PREPL: variants seen among roughly 807,000 people sequenced by gnomAD.
The protein encoded by PREPL is prolyl endopeptidase like, also known as prolyl endopeptidase-like.
Under a neutral mutation model 70.6 loss-of-function variants are expected in PREPL, and 77 were observed. The observed-to-expected ratio is 1.09, with a 90% confidence interval of 0.91 to 1.32. The LOEUF (loss-of-function observed/expected upper bound fraction) is 1.32. Among genes scored for constraint, PREPL ranks in the 40% most tolerant of loss-of-function variants. PREPL has a pLI of 0.00. For synonymous variants in PREPL, 315 were observed against 264.8 expected, an observed-to-expected ratio of 1.19 and a Z score of -1.84; for missense variants, 1,002 against 778.2, an observed-to-expected ratio of 1.29 and a Z score of -3.42.
intron 1 of PREPL, among the ~76,000 whole-genome samples, chr2:44,347,939 AAAGG>A (rs1410627333): frequency 3.6e-4 from 55 of 152,356 alleles, no homozygotes. Flanking sequence ...TCATTTTCAC[AAAGG>A]TTTTCCTTTT....
chr2:44,320,147 C>T lies in PREPL; in HGVS notation c.*1209G>A. Reference sequence around the variant, plus strand: ...CCTTACAATATATTAAAAATACTTACAAACAATTCTTAGAATCAAACACTT... The same window carrying T: ...CCTTACAATATATTAAAAATACTTATAAACAATTCTTAGAATCAAACACTT... On this transcript the variant is annotated 3_prime_UTR_variant, in exon 14 of 14. Coordinates refer to ENST00000409411, the MANE Select transcript of PREPL (RefSeq NM_001171613.2). 1 of 1,465,572 alleles carries T rather than the reference C, an allele frequency of 6.8e-7. No homozygotes were observed. The highest frequency in any genetic ancestry group is 9.4e-7 in the Non-Finnish European group (1 of 1,061,064). The allele number at this position is 1,465,572 out of a possible 1,614,324, so 90.8% of individuals were successfully genotyped here.
At chr2:44,340,544 T>C (rs897469089) in intron 5 of PREPL, among the ~76,000 whole-genome samples, 2 of 152,218 alleles carry the variant, frequency 1.3e-5, no homozygotes, top group African/African-American at 2.4e-5. Context: ...CCATGTTTAT[T>C]TGTCAATCGT....
intron 4 of PREPL, among the ~76,000 whole-genome samples, chr2:44,343,543 A>C (rs1004518656): frequency 9.9e-5 from 15 of 152,182 alleles, no homozygotes; most frequent in African/African-American, 3.6e-4. Context: ...TAAAAACATG[A>C]GTATTTTAAA....
Position 44,320,679 on chromosome 2 carries a change from G to A in PREPL, c.*677C>T. 2.7e-6 allele frequency: 4 copies of A among 1,498,078 alleles called. No homozygotes were observed. Among genetic ancestry groups the A allele is most frequent in the South Asian group, 1.1e-5 (1 of 88,370 alleles). The allele number at this position is 1,498,078 out of a possible 1,614,324, so 92.8% of individuals were successfully genotyped here. On this transcript the variant is annotated 3_prime_UTR_variant, in exon 14 of 14. Coordinates refer to ENST00000409411, the MANE Select transcript of PREPL (RefSeq NM_001171613.2). ...AGATGAAGACACTGGCATTTCAGTGGGATTGTAAGCATTTGTAATAGCTTC... is the reference window on the plus strand; with the variant it reads ...AGATGAAGACACTGGCATTTCAGTGAGATTGTAAGCATTTGTAATAGCTTC...
chr2:44,346,132 A>G, intron 2 of PREPL, 136 bp downstream of exon 2: 1 of 638,062 alleles, frequency 1.6e-6, no homozygotes, highest in Non-Finnish European at 2.5e-6. Flanking sequence ...TTTGCTTTTT[A>G]AGTTTTTCAG....
At chr2:44,328,839 G>C in intron 9 of PREPL, 98 bp downstream of exon 9, 1 of 1,241,420 alleles carries the variant, frequency 8.1e-7, no homozygotes, top group Non-Finnish European at 1.1e-6. Flanking sequence ...TAATAAGAAT[G>C]AAAAAAATAA....
At chr2:44,342,830 A>G (rs1003201361) in intron 4 of PREPL, among the ~76,000 whole-genome samples, 25 of 152,192 alleles carry the variant, frequency 1.6e-4, no homozygotes, top group Non-Finnish European at 3.1e-4. Context: ...TATTTAGGAA[A>G]GACATTGGTA....
intron 10 of PREPL, among the ~76,000 whole-genome samples, chr2:44,326,383 C>CT (rs554397665): frequency 0.056 from 7,169 of 128,178 alleles, 251 homozygotes; most frequent in African/African-American, 0.082. Context: ...TTTTTCTTTC[C>CT]TTTTTTTTTT....
chr2:44,345,824 C>G (rs1005204811), intron 2 of PREPL, among the ~76,000 whole-genome samples: 4 of 152,102 alleles, frequency 2.6e-5, no homozygotes, highest in African/African-American at 9.7e-5. Context: ...TTCATTTGAA[C>G]TTCTCCTTAG....
intron 10 of PREPL, among the ~76,000 whole-genome samples, chr2:44,326,460 T>C (rs542757916): frequency 1.4e-5 from 2 of 146,382 alleles, no homozygotes; most frequent in East Asian, 4.1e-4. Flanking sequence ...AGCCTCAACC[T>C]CTTAAGAGAT....
intron 2 of PREPL, 137 bp downstream of exon 2, chr2:44,346,131 T>C (rs1355305989): frequency 1.6e-6 from 1 of 637,164 alleles, no homozygotes; most frequent in African/African-American, 1.9e-5. Flanking sequence ...CTTTGCTTTT[T>C]AAGTTTTTCA....
rs893853481 is a variant in PREPL, at chr2:44,319,715, G to C, written c.*1641C>G. ...ACTTTGTCTTCTATTAGCTGTGCAA[G>C]AAATACATGTCTGCTAAAGTTACAC... On this transcript the variant is annotated 3_prime_UTR_variant, in exon 14 of 14. Transcript: ENST00000409411. The C allele has an allele frequency of 5.9e-5, 9 of 153,618 alleles. No individual in the cohort carries two copies. Among genetic ancestry groups the C allele is most frequent in the African/African-American group, 2.2e-4 (9 of 41,404 alleles). The allele number at this position is 153,618 out of a possible 1,614,324, so 9.5% of individuals were successfully genotyped here. A position where few individuals can be genotyped will look rare whatever the true frequency, so the allele number is the denominator to read the frequency against.
chr2:44,342,742 C>G (rs1675366233), intron 4 of PREPL, among the ~76,000 whole-genome samples, 190 bp from the exon 5 acceptor site: 1 of 152,120 alleles, frequency 6.6e-6, no homozygotes, highest in Non-Finnish European at 1.5e-5. Flanking sequence ...GAATAAACCA[C>G]TACTACACCA....
chr2:44,341,468 C>G (rs1675212913), intron 5 of PREPL, among the ~76,000 whole-genome samples: 1 of 151,932 alleles, frequency 6.6e-6, no homozygotes, highest in Non-Finnish European at 1.5e-5. Flanking sequence ...TCTTTATTTT[C>G]AACACTTTCT....
rs200115913 is a variant in PREPL, at chr2:44,346,371, T to C, written c.-29A>G. The C allele has an allele frequency of 5.0e-6, 8 of 1,612,996 alleles. No individual in the cohort carries two copies. In the African/African-American group the frequency reaches 9.3e-5, roughly 19 times the overall value. On this transcript the variant is annotated 5_prime_UTR_variant, in exon 2 of 14. Transcript: ENST00000409411. ...TTCTGGAAGGGGTTTTTCGTTTTCT[T>C]GTTTAACAGGCTGAAGATCCTGGAA...
At chr2:44,333,765 G>T (rs1261519341) in intron 7 of PREPL, among the ~76,000 whole-genome samples, 1 of 152,142 alleles carries the variant, frequency 6.6e-6, no homozygotes, top group Non-Finnish European at 1.5e-5. Context: ...CATAACTGGA[G>T]AGTAAAATGT....
rs1229208459 is a variant in PREPL, at chr2:44,339,063, G to A, written c.702+84C>T. The A allele has an allele frequency of 3.9e-6, 6 of 1,547,250 alleles. No homozygotes were observed. The African/African-American group carries it at 8.2e-5, about 21-fold the overall frequency. Reference sequence around the variant, plus strand: ...AGGTGGCATCAATTTATAAAACAATGAGCTCTTGGAGCAAGAAATGTTGTT... The same window carrying A: ...AGGTGGCATCAATTTATAAAACAATAAGCTCTTGGAGCAAGAAATGTTGTT... On this transcript the variant is annotated intron_variant, in intron 6 of 13. Transcript: ENST00000409411.
At chr2:44,346,063 T>C (rs997203799) in intron 2 of PREPL, among the ~76,000 whole-genome samples, 1 of 152,146 alleles carries the variant, frequency 6.6e-6, no homozygotes, top group African/African-American at 2.4e-5. Context: ...TTACTTTCGA[T>C]CTTTACATTT....
chr2:44,323,359 G>C lies in PREPL; in HGVS notation c.1532C>G (p.Thr511Arg). The stretch of plus-strand genomic sequence containing the variant: ...CCCCCATTCTTCTAATTCTTCTAAT[G>C]TCAGAGGAAGTGTAGTGTCCATCAT... ...NTMMDTTLPLTLEELEEWGNP... is the reference protein window; with the variant it reads ...NTMMDTTLPLRLEELEEWGNP... Residue 511 changes from threonine to arginine, a missense_variant, in exon 11 of 14, where the codon ACA (threonine) becomes AGA (arginine). By Grantham distance (71) the Thr-to-Arg change is moderately conservative. Transcript: ENST00000409411. The C allele has an allele frequency of 6.2e-7, 1 of 1,605,744 alleles. No homozygotes were observed. The highest frequency in any genetic ancestry group is 8.5e-7 in the Non-Finnish European group (1 of 1,172,892).
Sources: gnomAD v4.1 joint callset for allele counts (sites outside exome capture counted in the v4.1 genomes callset) on GRCh38, gnomAD v4.1.1 for gene constraint, MANE v1.5 for transcripts, NCBI Gene and HGNC (gene_info 2026-07-23, HGNC 2026-07-21) for gene names.